Variants in SDK1 observed in about 807,000 individuals in gnomAD.
The protein encoded by SDK1 is protein sidekick-1.
In SDK1, 157 loss-of-function variants were observed where a neutral mutation model predicts 245.5. The ratio of observed to expected loss-of-function variants is 0.64; its 90% CI spans 0.56 to 0.73. The LOEUF (loss-of-function observed/expected upper bound fraction) is 0.73, where lower values mean the gene tolerates loss of function less well. Ranked by LOEUF, SDK1 falls within the 30% of genes least tolerant of loss-of-function variation. The pLI is 0.00. For missense variants in SDK1, 3,583 were observed against 3,002.3 expected, an observed-to-expected ratio of 1.19 and a Z score of -4.52; for synonymous variants, 1,647 against 1,278.5, an observed-to-expected ratio of 1.29 and a Z score of -6.15.
intron 5 of SDK1, among the ~76,000 whole-genome samples, chr7:3,848,088 A>G (rs986628096): frequency 1.3e-5 from 2 of 152,386 alleles, no homozygotes; most frequent in Non-Finnish European, 2.9e-5. Context: ...TCCAGTGACC[A>G]TAAACTTAAA....
chr7:4,066,644 T>C (rs1779919857), intron 19 of SDK1, among the ~76,000 whole-genome samples: 1 of 152,166 alleles, frequency 6.6e-6, no homozygotes, highest in South Asian at 2.1e-4. Context: ...TCCCTCCCCA[T>C]CACCACACAG....
At chr7:3,355,450 C>T (rs1421737257) in intron 1 of SDK1, among the ~76,000 whole-genome samples, 1 of 152,196 alleles carries the variant, frequency 6.6e-6, no homozygotes, top group Non-Finnish European at 1.5e-5. Context: ...TCCCATGTTG[C>T]TTGCAATTAC....
chr7:4,178,242 C>G (rs1248948775), intron 34 of SDK1, among the ~76,000 whole-genome samples: 6 of 152,206 alleles, frequency 3.9e-5, no homozygotes, highest in Non-Finnish European at 5.9e-5. Flanking sequence ...TCCGTGCTGC[C>G]TCTTACCTGA....
intron 1 of SDK1, among the ~76,000 whole-genome samples, chr7:3,511,536 T>G (rs1325423682): frequency 6.6e-6 from 1 of 152,206 alleles, no homozygotes; most frequent in African/African-American, 2.4e-5. Flanking sequence ...TGTCAGACTC[T>G]GTTAAATGGC....
At chr7:3,815,736 C>G (rs978275272) in intron 4 of SDK1, among the ~76,000 whole-genome samples, 1 of 151,880 alleles carries the variant, frequency 6.6e-6, no homozygotes, top group East Asian at 1.9e-4. Flanking sequence ...AGCTGTGCAC[C>G]AAGCGGACCT....
intron 4 of SDK1, among the ~76,000 whole-genome samples, chr7:3,749,139 CTT>C (rs879318722): frequency 1.3e-5 from 2 of 149,506 alleles, no homozygotes; most frequent in Admixed American, 6.7e-5. Flanking sequence ...AACATCACCT[CTT>C]TTTTTTTTCT....
At chr7:3,812,039 T>C (rs781231911) in intron 4 of SDK1, among the ~76,000 whole-genome samples, 9 of 152,232 alleles carry the variant, frequency 5.9e-5, no homozygotes, top group Non-Finnish European at 1.2e-4. Context: ...ATCATTTATC[T>C]TTTTATGCCT....
chr7:4,029,171 A>G (rs1487309415), intron 17 of SDK1, among the ~76,000 whole-genome samples: 1 of 143,998 alleles, frequency 6.9e-6, no homozygotes, highest in Non-Finnish European at 1.5e-5. Context: ...AGACCTAAAT[A>G]CCATATTCAT....
At chr7:3,392,849 G>A (rs754466797) in intron 1 of SDK1, among the ~76,000 whole-genome samples, 2 of 150,928 alleles carry the variant, frequency 1.3e-5, no homozygotes, top group Non-Finnish European at 2.9e-5. Flanking sequence ...CGCATTTCGT[G>A]TATTCATTCA....
chr7:3,569,451 C>G (rs1243158650), intron 1 of SDK1, among the ~76,000 whole-genome samples: 1 of 152,226 alleles, frequency 6.6e-6, no homozygotes, highest in Non-Finnish European at 1.5e-5. Context: ...GGATATTTCT[C>G]TTGAGAAGTC....
At chr7:3,367,037 G>A (rs1399305383) in intron 1 of SDK1, among the ~76,000 whole-genome samples, 1 of 152,134 alleles carries the variant, frequency 6.6e-6, no homozygotes, top group Admixed American at 6.5e-5. Flanking sequence ...ACCGCGCCCG[G>A]CCTATTGTTT....
chr7:3,838,858 A>C (rs1780089408), intron 5 of SDK1, among the ~76,000 whole-genome samples: 1 of 152,170 alleles, frequency 6.6e-6, no homozygotes, highest in South Asian at 2.1e-4. Flanking sequence ...TCTATCAAAA[A>C]CAGGGAAATA....
intron 1 of SDK1, among the ~76,000 whole-genome samples, chr7:3,322,398 GTGT>G (rs1779840152): frequency 6.6e-6 from 1 of 152,148 alleles, no homozygotes; most frequent in Non-Finnish European, 1.5e-5. Context: ...ATGGATATCT[GTGT>G]TGTTTCCACC....
chr7:3,713,557 C>T (rs1176860671), intron 4 of SDK1, among the ~76,000 whole-genome samples: 3 of 152,154 alleles, frequency 2.0e-5, no homozygotes, highest in Non-Finnish European at 4.4e-5. Context: ...TGAATTAGGC[C>T]TGGTCTAGAC....
chr7:3,831,912 G>T (rs1433319633), intron 5 of SDK1, among the ~76,000 whole-genome samples: 2 of 152,080 alleles, frequency 1.3e-5, no homozygotes, highest in Non-Finnish European at 2.9e-5. Flanking sequence ...CGTGCCAGGT[G>T]TGGTAGTGCA....
chr7:3,654,206 A>G (rs1268730616), intron 4 of SDK1, among the ~76,000 whole-genome samples: 1 of 152,182 alleles, frequency 6.6e-6, no homozygotes, highest in Admixed American at 6.5e-5. Context: ...TGTAAAATCT[A>G]GAAAGTTCTT....
chr7:4,234,153 G>A (rs1252261469), intron 41 of SDK1, among the ~76,000 whole-genome samples: 1 of 152,218 alleles, frequency 6.6e-6, no homozygotes, highest in East Asian at 1.9e-4. Context: ...GCCAGCGGAG[G>A]GGCCGGGGAT....
chr7:3,676,560 T>C lies in SDK1; in HGVS notation c.713+34455T>C, dbSNP rs201933179. 2.6e-4 allele frequency among the ~76,000 whole-genome samples: 39 copies of C among 151,922 alleles called. No individual in the cohort carries two copies. The East Asian group carries it at 5.6e-3, about 22-fold the overall frequency. ...CGGGATGGTCTCAATCTCCTGACCT[T>C]GTGATCTGCCCACCTTGGCCTCCCA... On this transcript the variant is annotated intron_variant, in intron 4 of 44. Coordinates refer to ENST00000404826, the MANE Select transcript of SDK1 (RefSeq NM_152744.4).
intron 4 of SDK1, among the ~76,000 whole-genome samples, chr7:3,788,040 A>T (rs1428335218): frequency 6.6e-6 from 1 of 152,146 alleles, no homozygotes; most frequent in Non-Finnish European, 1.5e-5. Context: ...AATCATGCCA[A>T]ACAGCTCGTG....
Sources: allele counts gnomAD v4.1 joint callset (sites outside exome capture counted in the v4.1 genomes callset), GRCh38; gene constraint gnomAD v4.1.1; transcripts MANE v1.5; gene names NCBI Gene and HGNC (gene_info 2026-07-23, HGNC 2026-07-21).